The following ANK2 variants were observed in gnomAD, a reference collection of about 807,000 sequenced individuals.
The protein encoded by ANK2 is ankyrin 2, also known as ankyrin-2.
A neutral mutation model predicts 360.5 loss-of-function variants in ANK2; 83 were observed. The ratio of observed to expected loss-of-function variants is 0.23; its 90% CI spans 0.19 to 0.28. The LOEUF is 0.28. Ranked by LOEUF, ANK2 falls within the 10% of genes least tolerant of loss-of-function variation. The pLI is 1.00. For synonymous variants in ANK2, 1,740 were observed against 1,759.5 expected (o/e 0.99, Z 0.28); for missense variants, 4,201 against 4,795.7 (o/e 0.88, Z 3.66).
chr4:113,167,303 C>CTT (rs111441839), intron 1 of ANK2, among the ~76,000 whole-genome samples: 2 of 141,174 alleles, frequency 1.4e-5, no homozygotes, highest in Non-Finnish European at 1.6e-5. Flanking sequence ...CTAGGGTCAC[C>CTT]TTTTTTTTTT....
At chr4:113,089,748 C>T (rs771074756) in intron 1 of ANK2, among the ~76,000 whole-genome samples, 5 of 152,008 alleles carry the variant, frequency 3.3e-5, no homozygotes, top group African/African-American at 7.2e-5. Context: ...CGCTTGAACC[C>T]GGGAGGCGGA....
intron 1 of ANK2, among the ~76,000 whole-genome samples, chr4:112,828,924 C>T (rs919563469): frequency 2.3e-4 from 35 of 152,238 alleles, no homozygotes; most frequent in African/African-American, 6.5e-4. Flanking sequence ...GAGATGGAGT[C>T]GGGTGGATCA....
intron 11 of ANK2, among the ~76,000 whole-genome samples, chr4:113,257,046 A>G (rs2049859926): frequency 6.6e-6 from 1 of 152,220 alleles, no homozygotes; most frequent in African/African-American, 2.4e-5. Flanking sequence ...GACCTAACCA[A>G]TTAATTATGT....
chr4:113,172,094 G>A (rs2097986397), intron 1 of ANK2, among the ~76,000 whole-genome samples: 1 of 152,166 alleles, frequency 6.6e-6, no homozygotes, highest in African/African-American at 2.4e-5. Context: ...TTTATCACCT[G>A]TTTCCTCATT....
At chr4:112,925,996 T>G (rs2092495256) in intron 2 of ANK2, among the ~76,000 whole-genome samples, 1 of 152,232 alleles carries the variant, frequency 6.6e-6, no homozygotes, top group African/African-American at 2.4e-5. Flanking sequence ...AATCTTTTAT[T>G]TTTTAGCCAA....
intron 1 of ANK2, among the ~76,000 whole-genome samples, chr4:112,853,380 T>A (rs1560796887): frequency 6.6e-6 from 1 of 151,882 alleles, no homozygotes; most frequent in Non-Finnish European, 1.5e-5. Context: ...TTTTTTTTAA[T>A]TTGTAGAGAT....
At chr4:112,757,345 C>T in the ANK2 span, among the ~76,000 whole-genome samples, 8 of 152,050 alleles carry the variant, frequency 5.3e-5, no homozygotes, top group African/African-American at 1.9e-4. Context: ...GTCTCGAACT[C>T]CTGAACTCAG....
At chr4:113,257,255 C>T (rs140834095) in intron 11 of ANK2, among the ~76,000 whole-genome samples, 5 of 152,096 alleles carry the variant, frequency 3.3e-5, no homozygotes, top group Non-Finnish European at 4.4e-5. Flanking sequence ...GAGTAAGCAC[C>T]GGGCCATTTA....
At position 113,248,047 on chromosome 4, in the gene ANK2, C is replaced by CT. The variant is rs139773411; in HGVS notation, c.892-1710dup. Among the ~76,000 whole-genome samples the CT allele has an allele frequency of 3.4e-3, 524 of 152,256 alleles. 4 individuals carry two copies. The highest frequency in any genetic ancestry group is 0.012 in the African/African-American group (493 of 41,564). On this transcript the variant is annotated intron_variant, in intron 9 of 45. Coordinates refer to ENST00000357077, the MANE Select transcript of ANK2 (RefSeq NM_001148.6). ...GCATTTCAACTACACTAGCTAAATA[C>CT]TTTTTTTCTGAGAAGGCAATCTTTT...
At chr4:113,199,819 G>T (rs1310423125) in intron 4 of ANK2, among the ~76,000 whole-genome samples, 1 of 152,014 alleles carries the variant, frequency 6.6e-6, no homozygotes, top group African/African-American at 2.4e-5. Context: ...TGATAACACA[G>T]ACTATATCAT....
chr4:113,042,619 G>A lies in ANK2; in HGVS notation c.22-131797G>A, dbSNP rs181114765. Among the ~76,000 whole-genome samples the A allele has an allele frequency of 8.5e-5, 13 of 152,238 alleles. No homozygotes were observed. The East Asian group carries it at 2.3e-3, about 27-fold the overall frequency. ...ACACTGAGAGTCTATGGACAAACATGCTTGCTGATACTTTTAGGCCTAGGA... is the reference window on the plus strand; with the variant it reads ...ACACTGAGAGTCTATGGACAAACATACTTGCTGATACTTTTAGGCCTAGGA... On this transcript the variant is annotated intron_variant, in intron 2 of 30. Coordinates refer to the ANK2 transcript ENST00000503271.
chr4:113,332,060 A>G lies in ANK2; in HGVS notation c.3214A>G (p.Lys1072Glu). ...TCTTCAGCTGGGGCCTCCTGGAACC[A>G]AATTCCTTGGGTAGGAGTGACTTAA... ...RILQLGPPGT[K>E]FLGPVIVEIP... The change falls in exon 28 of 46, where the codon AAA becomes GAA. Residue 1072 changes from lysine to glutamate, a missense_variant. This residue lies in a region of ANK2 where 1,268 missense variants were observed against 1,650.8 expected (regional missense o/e 0.77). Transcript: ENST00000357077. 6.2e-7 allele frequency: 1 copy of G among 1,613,912 alleles called. No homozygotes were observed. Among genetic ancestry groups the G allele is most frequent in the Non-Finnish European group, 8.5e-7 (1 of 1,179,766 alleles).
At chr4:112,921,091 G>A (rs1214586003) in intron 2 of ANK2, among the ~76,000 whole-genome samples, 2 of 124,526 alleles carry the variant, frequency 1.6e-5, no homozygotes, top group African/African-American at 3.1e-5. Context: ...TCGCTGTATT[G>A]CCCAGGCTGG....
At chr4:113,039,816 C>T (rs1039716769) in intron 2 of ANK2, among the ~76,000 whole-genome samples, 1 of 151,850 alleles carries the variant, frequency 6.6e-6, no homozygotes, top group Non-Finnish European at 1.5e-5. Context: ...GATTCTTTGT[C>T]TTCTTGTAAA....
At chr4:113,002,573 G>A (rs988666061) in intron 2 of ANK2, among the ~76,000 whole-genome samples, 1 of 151,688 alleles carries the variant, frequency 6.6e-6, no homozygotes, top group Non-Finnish European at 1.5e-5. Context: ...GGGGTGGGGG[G>A]AGAGGGGAGG....
the ANK2 span, among the ~76,000 whole-genome samples, chr4:112,764,336 C>G: frequency 6.6e-6 from 1 of 151,878 alleles, no homozygotes; most frequent in Non-Finnish European, 1.5e-5. Flanking sequence ...TTCTGATGCT[C>G]TCTGTATTTT....
At chr4:112,798,978 C>T in the ANK2 span, among the ~76,000 whole-genome samples, 1 of 152,128 alleles carries the variant, frequency 6.6e-6, no homozygotes, top group Admixed American at 6.5e-5. Context: ...AAAAATAATT[C>T]CCTATCCCCC....
chr4:113,055,264 G>C (rs1293825495), intron 1 of ANK2, among the ~76,000 whole-genome samples: 1 of 152,088 alleles, frequency 6.6e-6, no homozygotes, highest in Non-Finnish European at 1.5e-5. Context: ...AGCCAGGCAT[G>C]GTTGTACATG....
intron 3 of ANK2, 131 bp downstream of exon 3, chr4:113,196,597 G>T: frequency 2.4e-6 from 2 of 846,800 alleles, no homozygotes; most frequent in South Asian, 3.0e-5. Flanking sequence ...GTACAATCAC[G>T]GCTCACCGAA....
Sources: gnomAD v4.1 joint callset for allele counts (sites outside exome capture counted in the v4.1 genomes callset) on GRCh38, gnomAD v4.1.1 for gene constraint, gnomAD v4.1.1 regional missense constraint, MANE v1.5 for transcripts, NCBI Gene and HGNC (gene_info 2026-07-23, HGNC 2026-07-21) for gene names.